KIDINS220: variants seen among roughly 807,000 people sequenced by gnomAD.
KIDINS220 encodes kinase D-interacting substrate of 220 kDa.
KIDINS220 carries 63 observed loss-of-function variants against 157.6 expected under a neutral mutation model. That is an observed-to-expected ratio of 0.40 (90% confidence interval 0.33 to 0.49). The LOEUF (loss-of-function observed/expected upper bound fraction) is 0.49, where lower values mean the gene tolerates loss of function less well. Among genes scored for constraint, KIDINS220 ranks in the 20% least tolerant of loss-of-function variants. KIDINS220 has a pLI of 0.66. For missense variants in KIDINS220, 1,772 were observed against 2,171.2 expected, an observed-to-expected ratio of 0.82 and a Z score of 3.65; for synonymous variants, 732 against 783.6, an observed-to-expected ratio of 0.93 and a Z score of 1.10.
intron 22 of KIDINS220, among the ~76,000 whole-genome samples, chr2:8,764,426 C>T (rs1168185843): frequency 6.6e-6 from 1 of 152,184 alleles, no homozygotes; most frequent in Admixed American, 6.5e-5. Context: ...AGCAACTCCA[C>T]CAGACCATGG....
chr2:8,757,766 A>G (rs1668209140), intron 22 of KIDINS220: 1 of 1,611,504 alleles, frequency 6.2e-7, no homozygotes, highest in Non-Finnish European at 8.5e-7. Context: ...GGTCTCGGTC[A>G]CAACTGTCTG....
chr2:8,763,956 A>C (rs1669108845), intron 22 of KIDINS220, among the ~76,000 whole-genome samples: 1 of 152,246 alleles, frequency 6.6e-6, no homozygotes, highest in South Asian at 2.1e-4. Context: ...TGTTTATAGC[A>C]GCACAATTCA....
At chr2:8,769,781 T>C (rs189609362) in intron 22 of KIDINS220, among the ~76,000 whole-genome samples, 8 of 152,318 alleles carry the variant, frequency 5.3e-5, no homozygotes, top group African/African-American at 1.9e-4. Flanking sequence ...ATAAGATGAT[T>C]TGTAAAACCT....
intron 12 of KIDINS220, among the ~76,000 whole-genome samples, 183 bp downstream of exon 12, chr2:8,793,627 T>C (rs971651438): frequency 6.6e-5 from 10 of 152,124 alleles, no homozygotes; most frequent in African/African-American, 2.4e-4. Context: ...TTTGTGGAGA[T>C]GAGGTCTCAC....
chr2:8,722,760 G>A (rs754200131), downstream of KIDINS220: 1 of 152,196 alleles, frequency 6.6e-6, no homozygotes, highest in Non-Finnish European at 1.5e-5. Context: ...TTGGGAGGCT[G>A]AGGCAGGAGG....
chr2:8,741,979 G>A (rs895145035), intron 26 of KIDINS220, among the ~76,000 whole-genome samples: 1 of 152,178 alleles, frequency 6.6e-6, no homozygotes, highest in Non-Finnish European at 1.5e-5. Context: ...CCTGTCCTGA[G>A]CCTGAAGCCT....
chr2:8,740,173 A>T lies in KIDINS220; in HGVS notation c.3586-3174T>A, dbSNP rs554729025. ...GTACCTGTCTCTGTTTGTTAAACCC[A>T]GAGTCACACAGCTTTAAGGAAGGAA... On this transcript the variant is annotated intron_variant, in intron 26 of 29. Coordinates refer to ENST00000256707, the MANE Select transcript of KIDINS220 (RefSeq NM_020738.4). The T allele has an allele frequency of 4.1e-6, 4 of 984,302 alleles. No individual in the cohort carries two copies. The South Asian group carries it at 1.9e-4, about 46-fold the overall frequency. The allele number at this position is 984,302 out of a possible 1,614,324, so 61.0% of individuals were successfully genotyped here.
At chr2:8,762,481 T>C (rs1056178915) in intron 22 of KIDINS220, among the ~76,000 whole-genome samples, 7 of 152,196 alleles carry the variant, frequency 4.6e-5, no homozygotes, top group African/African-American at 1.7e-4. Context: ...CTCATGCCTG[T>C]AATCCCAGCA....
At chr2:8,786,066 T>C (rs746212054) in intron 16 of KIDINS220, 36 bp from the exon 17 acceptor site, 24 of 1,570,098 alleles carry the variant, frequency 1.5e-5, no homozygotes, top group Non-Finnish European at 1.9e-5. Flanking sequence ...AATTAACATA[T>C]CAAGGATCTA....
intron 15 of KIDINS220, among the ~76,000 whole-genome samples, chr2:8,787,239 T>G (rs1360344635): frequency 6.6e-6 from 1 of 151,992 alleles, no homozygotes; most frequent in African/African-American, 2.4e-5. Flanking sequence ...TAATTCTCTA[T>G]GCTAGTTACT....
intron 17 of KIDINS220, among the ~76,000 whole-genome samples, chr2:8,783,015 C>T (rs13383492): frequency 0.46 from 70,021 of 151,728 alleles, 18,402 homozygotes; most frequent in East Asian, 0.6. Flanking sequence ...CTGATCAACA[C>T]GGTGAAACTC....
chr2:8,760,047 C>G (rs1668551131), intron 22 of KIDINS220, among the ~76,000 whole-genome samples: 1 of 152,216 alleles, frequency 6.6e-6, no homozygotes, highest in Non-Finnish European at 1.5e-5. Flanking sequence ...CCAGTTCAAA[C>G]AGGAGCCACA....
intron 22 of KIDINS220, among the ~76,000 whole-genome samples, chr2:8,765,618 G>A (rs1319884578): frequency 6.6e-6 from 1 of 152,186 alleles, no homozygotes; most frequent in African/African-American, 2.4e-5. Context: ...TCAATACCCT[G>A]CAACAGGACT....
At chr2:8,789,797 A>G (rs1672938874) in intron 14 of KIDINS220, 83 bp downstream of exon 14, 1 of 1,051,760 alleles carries the variant, frequency 9.5e-7, no homozygotes, top group South Asian at 1.6e-5. Flanking sequence ...GTTTTAAAAG[A>G]CAGATAAAGA....
chr2:8,794,997 C>A (rs996325051), intron 11 of KIDINS220, among the ~76,000 whole-genome samples: 8 of 152,202 alleles, frequency 5.3e-5, no homozygotes, highest in Non-Finnish European at 1.2e-4. Context: ...AAAATAGTTG[C>A]TGACCTTAAG....
chr2:8,778,750 C>A, intron 19 of KIDINS220, 23 bp from the exon 20 acceptor site: 1 of 1,598,090 alleles, frequency 6.3e-7, no homozygotes, highest in African/African-American at 1.3e-5. Context: ...ATCAAGACAG[C>A]ATCACTTACA....
In KIDINS220 at chr2:8,779,133, C is replaced by T. The variant is rs769587360; in HGVS notation, c.2377G>A (p.Val793Ile). 2 of 1,612,696 alleles carry T rather than the reference C, an allele frequency of 1.2e-6. No homozygotes were observed. Among genetic ancestry groups the T allele is most frequent in the Non-Finnish European group, 1.7e-6 (2 of 1,179,874 alleles). The stretch of plus-strand genomic sequence containing the variant: ...ATGAACGGGCCTTTTGAAAACAGAA[C>T]TCGGACCTGTGGCAGAAGAAATGTA... ...KVLQMLDTVR[V>I]LFSKGPFIAI... The change falls in exon 19 of 30, where the codon GTT becomes ATT. Residue 793 changes from valine (V) to isoleucine (I), a missense_variant. Physicochemically the swap from Val to Ile is conservative, Grantham distance 29. Around this residue, in one of 3 missense-constraint regions of KIDINS220, gnomAD observed 725 missense variants for 1,017.1 expected, o/e 0.71. Coordinates refer to ENST00000256707, the MANE Select transcript of KIDINS220 (RefSeq NM_020738.4).
At chr2:8,831,129 C>T (rs887092538) in intron 1 of KIDINS220, among the ~76,000 whole-genome samples, 7 of 152,228 alleles carry the variant, frequency 4.6e-5, no homozygotes, top group Non-Finnish European at 8.8e-5. Context: ...AAGGAACTTA[C>T]GCCTTCTAAG....
Position 8,730,844 on chromosome 2 carries a change from C to G in KIDINS220, c.5192G>C (p.Ser1731Thr). 6.2e-7 allele frequency: 1 copy of G among 1,614,216 alleles called. No homozygotes were observed. Among genetic ancestry groups the G allele is most frequent in the Non-Finnish European group, 8.5e-7 (1 of 1,180,046 alleles). ...PTTIQNENLK[S>T]MTHKRSQRSS... ...ACGTTGGCTTCGCTTATGTGTCATG[C>G]TTTTTAGATTCTCATTCTGAATAGT... The change falls in exon 30 of 30, where the codon AGC becomes ACC. Residue 1731 changes from serine to threonine, a missense_variant. This residue lies in a region of KIDINS220 where 793 missense variants were observed against 885.5 expected (regional missense o/e 0.90). Coordinates refer to ENST00000256707, the MANE Select transcript of KIDINS220 (RefSeq NM_020738.4).
Sources: allele counts gnomAD v4.1 joint callset (sites outside exome capture counted in the v4.1 genomes callset), GRCh38; gene constraint gnomAD v4.1.1; regional missense constraint gnomAD v4.1.1; transcripts MANE v1.5; gene names NCBI Gene and HGNC (gene_info 2026-07-23, HGNC 2026-07-21).